The following CYP19A1 variants were observed in gnomAD, a reference collection of about 807,000 sequenced individuals.
The protein encoded by CYP19A1 is aromatase.
Under a neutral mutation model 44.4 loss-of-function variants are expected in CYP19A1, and 32 were observed. That is an observed-to-expected ratio of 0.72 (90% CI 0.54 to 0.97). The LOEUF (loss-of-function observed/expected upper bound fraction) is 0.97, where lower values mean the gene tolerates loss of function less well. Among genes scored for constraint, CYP19A1 ranks in the 50% least tolerant of loss-of-function variants. The pLI is 0.00. For synonymous variants in CYP19A1, 212 were observed against 215.6 expected (o/e 0.98, Z 0.14); for missense variants, 598 against 637.8 (o/e 0.94, Z 0.67).
At chr15:51,220,301 C>T (rs1359072864) in intron 5 of CYP19A1, among the ~76,000 whole-genome samples, 1 of 152,228 alleles carries the variant, frequency 6.6e-6, no homozygotes, top group African/African-American at 2.4e-5. Context: ...TGCCCTGCTT[C>T]ATTTTGCCTT....
At position 51,282,755 on chromosome 15, in the gene CYP19A1, G is replaced by A. The variant is rs571181487; in HGVS notation, c.-38-39805C>T. ...GGAACACTAGAGCATGTGAAAGCAG[G>A]GGATGCATTGTCAAAGGACACCCAA... On this transcript the variant is annotated intron_variant, in intron 1 of 9. Transcript: ENST00000396402. Among the ~76,000 whole-genome samples, 13 of 152,344 alleles carry A rather than the reference G, an allele frequency of 8.5e-5. No individual in the cohort carries two copies. In the South Asian group the frequency reaches 2.7e-3, roughly 32 times the overall value.
chr15:51,303,891 A>C (rs2036163125), intron 1 of CYP19A1, among the ~76,000 whole-genome samples: 1 of 152,202 alleles, frequency 6.6e-6, no homozygotes. Flanking sequence ...AGGATGATAC[A>C]TGGGACCTCA....
intron 3 of CYP19A1, among the ~76,000 whole-genome samples, chr15:51,231,349 T>C (rs1487974581): frequency 6.6e-6 from 1 of 152,114 alleles, no homozygotes; most frequent in East Asian, 1.9e-4. Flanking sequence ...CTCTTCAAAA[T>C]GTCAATGTCA....
intron 4 of CYP19A1, among the ~76,000 whole-genome samples, chr15:51,225,489 C>G (rs986353103): frequency 5.3e-5 from 8 of 152,158 alleles, no homozygotes; most frequent in African/African-American, 1.9e-4. Context: ...GATAGGGGAA[C>G]TGAAGCTCAG....
chr15:51,272,356 T>G (rs1230231703), intron 1 of CYP19A1, among the ~76,000 whole-genome samples: 1 of 152,194 alleles, frequency 6.6e-6, no homozygotes, highest in Non-Finnish European at 1.5e-5. Flanking sequence ...AAGACAAGGA[T>G]CATGTCTTAT....
chr15:51,283,659 A>G (rs1343461991), intron 1 of CYP19A1, among the ~76,000 whole-genome samples: 3 of 152,244 alleles, frequency 2.0e-5, no homozygotes. Context: ...GGAAATCAAA[A>G]GGCAAGAACT....
chr15:51,222,135 A>C, intron 5 of CYP19A1: 1 of 752,364 alleles, frequency 1.3e-6, no homozygotes, highest in Non-Finnish European at 2.1e-6. Context: ...AAAGATACAA[A>C]AGGCTAGTAG....
At chr15:51,330,986 G>A (rs780245860) in intron 1 of CYP19A1, among the ~76,000 whole-genome samples, 10 of 152,226 alleles carry the variant, frequency 6.6e-5, no homozygotes, top group Non-Finnish European at 8.8e-5. Flanking sequence ...ATGAGGAAGC[G>A]CAGATGAGGA....
chr15:51,304,924 G>T (rs2036185712), intron 1 of CYP19A1, among the ~76,000 whole-genome samples: 1 of 103,968 alleles, frequency 9.6e-6, no homozygotes. Flanking sequence ...TTTGAGACAG[G>T]GTTTCACTCT....
chr15:51,291,380 G>C (rs1437002121), intron 1 of CYP19A1, among the ~76,000 whole-genome samples: 10 of 152,134 alleles, frequency 6.6e-5, no homozygotes, highest in Non-Finnish European at 7.3e-5. Context: ...TGAAAAACTA[G>C]ATGATTCCAA....
chr15:51,271,525 G>A (rs2035126733), intron 1 of CYP19A1, among the ~76,000 whole-genome samples: 1 of 152,160 alleles, frequency 6.6e-6, no homozygotes, highest in Non-Finnish European at 1.5e-5. Context: ...TCACTTGGGT[G>A]GACAATTTAC....
intron 1 of CYP19A1, among the ~76,000 whole-genome samples, chr15:51,251,728 A>G (rs1440329882): frequency 6.6e-6 from 1 of 152,210 alleles, no homozygotes; most frequent in East Asian, 1.9e-4. Context: ...TCAGTGGCCC[A>G]TAGCTACCAC....
chr15:51,272,417 T>G (rs959309056), intron 1 of CYP19A1, among the ~76,000 whole-genome samples: 1 of 152,210 alleles, frequency 6.6e-6, no homozygotes, highest in Non-Finnish European at 1.5e-5. Flanking sequence ...ATCGTTTGAG[T>G]GCAATAAAAT....
chr15:51,242,965 G>C lies in CYP19A1; in HGVS notation c.-38-15C>G. Reference sequence around the variant, plus strand: ...AATTTAGAGTCCTGTGGAAATCAAAGGGACAGAAAAATTACAGAATCCCCT... The same window carrying C: ...AATTTAGAGTCCTGTGGAAATCAAACGGACAGAAAAATTACAGAATCCCCT... On this transcript the variant is annotated splice_polypyrimidine_tract_variant and intron_variant, in intron 1 of 9. Coordinates refer to ENST00000396402, the MANE Select transcript of CYP19A1 (RefSeq NM_000103.4). 7.4e-7 allele frequency: 1 copy of C among 1,352,676 alleles called. No homozygotes were observed. The allele number at this position is 1,352,676 out of a possible 1,614,324, so 83.8% of individuals were successfully genotyped here. A position where few individuals can be genotyped will look rare whatever the true frequency, so the allele number is the denominator to read the frequency against.
intron 1 of CYP19A1, among the ~76,000 whole-genome samples, chr15:51,254,207 A>G (rs2034431437): frequency 6.6e-6 from 1 of 152,226 alleles, no homozygotes; most frequent in Admixed American, 6.5e-5. Context: ...GTGGGTGCTG[A>G]TAGCAGAGGC....
At chr15:51,263,688 G>A (rs2034813517) in intron 1 of CYP19A1, among the ~76,000 whole-genome samples, 1 of 152,218 alleles carries the variant, frequency 6.6e-6, no homozygotes, top group Non-Finnish European at 1.5e-5. Flanking sequence ...GCTGGAGGCA[G>A]TGATGAAAGG....
At position 51,282,661 on chromosome 15, in the gene CYP19A1, C is replaced by T. The variant is rs560539691; in HGVS notation, c.-38-39711G>A. ...TCTGCCAGACTTCGTTGCCCCAAGG[C>T]CTGGTGTTGGATCTGATCACCCCAA... On this transcript the variant is annotated intron_variant, in intron 1 of 9. Transcript: ENST00000396402. Among the ~76,000 whole-genome samples, 5 of 152,290 alleles carry T rather than the reference C, an allele frequency of 3.3e-5. No individual in the cohort carries two copies. In the East Asian group the frequency reaches 9.7e-4, roughly 29 times the overall value.
Position 51,291,737 on chromosome 15 carries a change from C to T in CYP19A1, c.-39+46758G>A, listed in dbSNP as rs144723635. Among the ~76,000 whole-genome samples the T allele has an allele frequency of 2.4e-3, 365 of 152,190 alleles. 1 individual carries two copies. Among genetic ancestry groups the T allele is most frequent in the Non-Finnish European group, 4.3e-3 (291 of 68,018 alleles). ...CAGAGTGGTTATCATGGAAACCCCA[C>T]GAGTAGGTCAAATCTCCAACACAGA... On this transcript the variant is annotated intron_variant, in intron 1 of 9. Coordinates refer to ENST00000396402, the MANE Select transcript of CYP19A1 (RefSeq NM_000103.4).
At chr15:51,302,415 G>C (rs1198107058) in intron 1 of CYP19A1, among the ~76,000 whole-genome samples, 1 of 152,192 alleles carries the variant, frequency 6.6e-6, no homozygotes, top group African/African-American at 2.4e-5. Flanking sequence ...GCTGAGAGTT[G>C]GTTTAACTGC....
Sources: allele counts gnomAD v4.1 joint callset (sites outside exome capture counted in the v4.1 genomes callset), GRCh38; gene constraint gnomAD v4.1.1; transcripts MANE v1.5; gene names NCBI Gene and HGNC (gene_info 2026-07-23, HGNC 2026-07-21).